SMARCA2: variants seen among roughly 807,000 people sequenced by gnomAD.
The protein encoded by SMARCA2 is SWI/SNF-related matrix-associated actin-dependent regulator of chromatin subfamily A member 2.
Under a neutral mutation model 199.8 loss-of-function variants are expected in SMARCA2, and 61 were observed. The ratio of observed to expected loss-of-function variants is 0.31; its 90% CI spans 0.25 to 0.38. The LOEUF is 0.38. Ranked by LOEUF, SMARCA2 falls within the 10% of genes least tolerant of loss-of-function variation. The pLI, the probability that SMARCA2 is intolerant of heterozygous loss-of-function variation, is 1.00. For missense variants in SMARCA2, 1,344 were observed against 2,012.2 expected (o/e 0.67, Z 6.35); for synonymous variants, 935 against 732.0 (o/e 1.28, Z -4.48).
At chr9:2,051,255 C>G (rs1489071877) in intron 5 of SMARCA2, among the ~76,000 whole-genome samples, 1 of 152,216 alleles carries the variant, frequency 6.6e-6, no homozygotes, top group Non-Finnish European at 1.5e-5. Flanking sequence ...TCTACCTTTC[C>G]TCTTCTCCTA....
intron 22 of SMARCA2, 85 bp downstream of exon 22, chr9:2,101,701 G>T (rs2130546271): frequency 1.5e-6 from 1 of 678,534 alleles, no homozygotes; most frequent in South Asian, 1.9e-5. Flanking sequence ...TTCCTCTTGT[G>T]CAAATACTTA....
intron 23 of SMARCA2, among the ~76,000 whole-genome samples, chr9:2,108,275 G>A (rs1822848988): frequency 6.6e-6 from 1 of 152,196 alleles, no homozygotes; most frequent in African/African-American, 2.4e-5. Context: ...GGTGACGTAT[G>A]CATGTTATCT....
chr9:2,073,516 T>C, intron 11 of SMARCA2, 50 bp from the exon 12 acceptor site: 1 of 1,529,754 alleles, frequency 6.5e-7, no homozygotes, highest in Non-Finnish European at 9.0e-7. Context: ...TTTATTGTAT[T>C]GTAATTTAAA....
At position 2,157,975 on chromosome 9, in the gene SMARCA2, G is replaced by A. The variant is rs186708508; in HGVS notation, c.3982-3711G>A. 14 of 397,662 alleles carry A rather than the reference G, an allele frequency of 3.5e-5. No homozygotes were observed. The Admixed American group carries it at 4.0e-4, about 11-fold the overall frequency. The allele number at this position is 397,662 out of a possible 1,614,324, so 24.6% of individuals were successfully genotyped here. On this transcript the variant is annotated intron_variant, in intron 27 of 33. Transcript: ENST00000349721. ...CCATGTGCTTTGCTAGCTGCAAAGC[G>A]TTTCCTCTAGAACAGCTAATCCTGC...
chr9:2,063,911 A>G (rs1036644222), intron 9 of SMARCA2, among the ~76,000 whole-genome samples: 1 of 152,174 alleles, frequency 6.6e-6, no homozygotes, highest in Admixed American at 6.5e-5. Context: ...TTTATAAATC[A>G]TTTTGTAACT....
intron 31 of SMARCA2, among the ~76,000 whole-genome samples, chr9:2,182,555 G>A (rs567073473): frequency 1.8e-3 from 221 of 121,236 alleles, no homozygotes; most frequent in African/African-American, 6.2e-3. Context: ...GTGCAGTGGT[G>A]CCTTCTCGGC....
intron 33 of SMARCA2, 119 bp downstream of exon 33, chr9:2,191,527 A>T (rs565400117): frequency 1.9e-6 from 2 of 1,061,192 alleles, no homozygotes; most frequent in African/African-American, 3.2e-5. Flanking sequence ...AAATGTCAGG[A>T]TTTAGTGAGA....
chr9:2,018,598 C>T (rs951296662), intron 1 of SMARCA2, among the ~76,000 whole-genome samples: 3 of 152,220 alleles, frequency 2.0e-5, no homozygotes, highest in African/African-American at 7.2e-5. Context: ...TTTCAAACTT[C>T]CATTTCAAAG....
intron 29 of SMARCA2, among the ~76,000 whole-genome samples, chr9:2,174,850 G>A (rs1586792237): frequency 6.7e-6 from 1 of 148,806 alleles, no homozygotes; most frequent in South Asian, 2.1e-4. Context: ...AGCCTGGGAG[G>A]TCGAGGCTAC....
intron 9 of SMARCA2, among the ~76,000 whole-genome samples, chr9:2,065,035 A>G (rs1354364868): frequency 1.3e-5 from 2 of 152,156 alleles, no homozygotes; most frequent in Non-Finnish European, 2.9e-5. Context: ...AATACAAAAA[A>G]TTAGCCGGGC....
chr9:2,045,015 C>CTT (rs1327134600), intron 4 of SMARCA2: 1 of 152,120 alleles, frequency 6.6e-6, no homozygotes, highest in African/African-American at 2.4e-5. Flanking sequence ...AAAATAGTGA[C>CTT]TTGACTATAC....
chr9:2,175,854 C>A (rs949866412), intron 29 of SMARCA2, among the ~76,000 whole-genome samples: 2 of 151,574 alleles, frequency 1.3e-5, no homozygotes, highest in Non-Finnish European at 2.9e-5. Context: ...AATTTGATAT[C>A]CTCTGTTTTT....
chr9:2,063,035 G>A (rs189544610), intron 9 of SMARCA2, among the ~76,000 whole-genome samples: 1 of 152,108 alleles, frequency 6.6e-6, no homozygotes, highest in East Asian at 1.9e-4. Context: ...TATCTCACAT[G>A]ATCAATGTGC....
chr9:2,180,109 G>A (rs185507164), intron 29 of SMARCA2, among the ~76,000 whole-genome samples: 1 of 152,174 alleles, frequency 6.6e-6, no homozygotes, highest in East Asian at 1.9e-4. Context: ...GGGTGGTTGA[G>A]AGGGTGAGAG....
chr9:2,159,207 T>C (rs1825539112), intron 27 of SMARCA2, among the ~76,000 whole-genome samples: 1 of 152,230 alleles, frequency 6.6e-6, no homozygotes. Context: ...ATATCCTTTT[T>C]ACAACTCCCC....
chr9:2,125,232 G>A (rs1292533375), intron 27 of SMARCA2, among the ~76,000 whole-genome samples: 2 of 152,184 alleles, frequency 1.3e-5, no homozygotes, highest in Non-Finnish European at 2.9e-5. Flanking sequence ...TGGTTGAACC[G>A]TTGTGTATAA....
chr9:2,071,200 G>T (rs1358543886), intron 10 of SMARCA2, among the ~76,000 whole-genome samples: 1 of 152,122 alleles, frequency 6.6e-6, no homozygotes, highest in African/African-American at 2.4e-5. Flanking sequence ...TCCCATTCTG[G>T]TATCACTCTG....
intron 3 of SMARCA2, among the ~76,000 whole-genome samples, chr9:2,037,262 T>C (rs1819375756): frequency 6.6e-6 from 1 of 152,240 alleles, no homozygotes; most frequent in South Asian, 2.1e-4. Flanking sequence ...TAACAACATG[T>C]CAGGATTTAA....
chr9:2,071,095 G>T (rs1365013439), intron 10 of SMARCA2, among the ~76,000 whole-genome samples: 1 of 152,156 alleles, frequency 6.6e-6, no homozygotes. Flanking sequence ...CCCAGAGCAG[G>T]ATGGGAAGGG....
Sources: allele counts gnomAD v4.1 joint callset (sites outside exome capture counted in the v4.1 genomes callset), GRCh38; gene constraint gnomAD v4.1.1; transcripts MANE v1.5; gene names NCBI Gene and HGNC (gene_info 2026-07-23, HGNC 2026-07-21).